The following TRIOBP variants were observed in gnomAD, a reference collection of about 807,000 sequenced individuals.
TRIOBP encodes TRIO and F-actin binding protein.
In TRIOBP, 169 loss-of-function variants were observed where a neutral mutation model predicts 238.8. The ratio of observed to expected loss-of-function variants is 0.71; its 90% CI spans 0.62 to 0.80. The LOEUF (loss-of-function observed/expected upper bound fraction) is 0.80. Ranked by LOEUF, TRIOBP falls within the 30% of genes least tolerant of loss-of-function variation. The pLI, the probability that TRIOBP is intolerant of heterozygous loss-of-function variation, is 0.00. For missense variants in TRIOBP, 2,838 were observed against 3,122.6 expected, an observed-to-expected ratio of 0.91 and a Z score of 2.17; for synonymous variants, 1,150 against 1,274.4, an observed-to-expected ratio of 0.90 and a Z score of 2.08.
intron 11 of TRIOBP, among the ~76,000 whole-genome samples, chr22:37,749,097 G>A (rs897408551): frequency 1.3e-5 from 2 of 152,152 alleles, no homozygotes; most frequent in Non-Finnish European, 2.9e-5. Context: ...ATGTGTGCCT[G>A]TAATCCCAGC....
At chr22:37,742,506 G>A (rs1183709044) in intron 11 of TRIOBP, among the ~76,000 whole-genome samples, 5 of 152,086 alleles carry the variant, frequency 3.3e-5, no homozygotes, top group Non-Finnish European at 5.9e-5. Flanking sequence ...CAAGTGATCC[G>A]CCCGCCCTGG....
In TRIOBP at chr22:37,721,132, G is replaced by A. The variant is rs569574291; in HGVS notation, c.629-2053G>A. ...GATCCGCCCGCCTCGGCCTCCCAAAGTGCTGGGATTACAGGCATCAGCCAC... is the reference window on the plus strand; with the variant it reads ...GATCCGCCCGCCTCGGCCTCCCAAAATGCTGGGATTACAGGCATCAGCCAC... On this transcript the variant is annotated intron_variant, in intron 6 of 23. Transcript: ENST00000644935. Among the ~76,000 whole-genome samples, 14 of 151,316 alleles carry A rather than the reference G, an allele frequency of 9.3e-5. No homozygotes were observed. In the South Asian group the frequency reaches 2.7e-3, roughly 29 times the overall value.
chr22:37,771,855 T>C (rs772337998), intron 22 of TRIOBP, 119 bp downstream of exon 22: 17 of 893,238 alleles, frequency 1.9e-5, no homozygotes, highest in Non-Finnish European at 2.9e-5. Flanking sequence ...CAGGCTCTCC[T>C]GTGCTTCTCC....
At chr22:37,759,631 C>A in intron 17 of TRIOBP, 1 of 1,538,472 alleles carries the variant, frequency 6.5e-7, no homozygotes, top group South Asian at 1.2e-5. Flanking sequence ...CCCCGAGAGT[C>A]ACTCCCTGAA....
chr22:37,734,665 A>G lies in TRIOBP; in HGVS notation c.4329A>G (p.Leu1443=), dbSNP rs547759535. Residue 1443 remains leucine (L), a synonymous_variant, in exon 9 of 24, where the codon CTA becomes CTG. Transcript: ENST00000644935. ...GGTCCCAGGGCCCTCATAGACACCTAGAAAGGAGCTGGAGCAGCCAGGAGG... is the reference window on the plus strand; with the variant it reads ...GGTCCCAGGGCCCTCATAGACACCTGGAAAGGAGCTGGAGCAGCCAGGAGG... The part of the protein sequence containing the change: ...PPGSQGPHRH[L]ERSWSSQEGG... 424 of 1,600,124 alleles carry G rather than the reference A, an allele frequency of 2.6e-4. 3 individuals are homozygous for G. The highest frequency in any genetic ancestry group is 5.0e-4 in the Middle Eastern group (3 of 6,040).
chr22:37,733,159 T>C, intron 7 of TRIOBP, 139 bp from the exon 8 acceptor site: 1 of 698,366 alleles, frequency 1.4e-6, no homozygotes, highest in South Asian at 1.6e-5. Flanking sequence ...CTGAGAGTCA[T>C]CCTCACTTAG....
At chr22:37,756,286 C>T (rs2145868105) in intron 15 of TRIOBP, among the ~76,000 whole-genome samples, 1 of 152,210 alleles carries the variant, frequency 6.6e-6, no homozygotes. Context: ...TATAGTGAGA[C>T]CTCGTCCCTA....
Position 37,774,123 on chromosome 22 carries a change from TAAAAAAAAA to T in TRIOBP, c.*352_*360del, listed in dbSNP as rs35269997. ...TTTTTTTCCAAAACACTTTATACTT[TAAAAAAAAA>T]AAAAAAAAGCAATTCCTGGTGGCTG... On this transcript the variant is annotated 3_prime_UTR_variant, in exon 24 of 24. Transcript: ENST00000644935. 1 of 139,586 alleles carries T rather than the reference TAAAAAAAAA, an allele frequency of 7.2e-6. No individual in the cohort carries two copies. Among genetic ancestry groups the T allele is most frequent in the Non-Finnish European group, 1.5e-5 (1 of 64,690 alleles). The allele number at this position is 139,586 out of a possible 1,614,324, so 8.6% of individuals were successfully genotyped here.
intron 4 of TRIOBP, among the ~76,000 whole-genome samples, chr22:37,711,015 C>T (rs1488765830): frequency 2.0e-5 from 3 of 152,214 alleles, no homozygotes; most frequent in East Asian, 1.9e-4. Flanking sequence ...CGTGGGTGTG[C>T]ACTGCTCCAG....
chr22:37,764,321 G>A (rs1044941310), intron 17 of TRIOBP, among the ~76,000 whole-genome samples: 3 of 152,140 alleles, frequency 2.0e-5, no homozygotes, highest in African/African-American at 7.2e-5. Flanking sequence ...TCACTGGGAC[G>A]GACAGGTCTG....
rs1249369927 is a variant in TRIOBP, at chr22:37,771,707, C to T, written c.6907C>T (p.Leu2303Phe). ...GTACCTAAAGAAGGAGGTGCAGTGC[C>T]TCCGGGACGAGCTCCAGATGATGCA... ...LQYLKKEVQC[L>F]RDELQMMQKD... The change falls in exon 22 of 24, where the codon CTC (leucine) becomes TTC (phenylalanine). Residue 2303 changes from leucine to phenylalanine, a missense_variant. By Grantham distance (22) the Leu-to-Phe change is conservative. This residue lies in a region of TRIOBP where 2,096 missense variants were observed against 2,137.4 expected (regional missense o/e 0.98). Coordinates refer to ENST00000644935, the MANE Select transcript of TRIOBP (RefSeq NM_001039141.3). The T allele has an allele frequency of 6.2e-7, 1 of 1,614,048 alleles. No individual in the cohort carries two copies. The highest frequency in any genetic ancestry group is 1.3e-5 in the African/African-American group (1 of 74,926).
intron 15 of TRIOBP, 119 bp downstream of exon 15, chr22:37,755,778 A>AT: frequency 1.2e-6 from 1 of 811,092 alleles, no homozygotes; most frequent in Non-Finnish European, 2.1e-6. Context: ...TCTGTCAACA[A>AT]CATGGGAAGA....
chr22:37,740,537 C>G (rs1924881153), intron 10 of TRIOBP, among the ~76,000 whole-genome samples: 1 of 152,086 alleles, frequency 6.6e-6, no homozygotes, highest in South Asian at 2.1e-4. Context: ...TCAAGAAACA[C>G]TGGAGATATG....
intron 6 of TRIOBP, among the ~76,000 whole-genome samples, chr22:37,717,912 C>CG (rs1461374161): frequency 6.6e-6 from 1 of 152,174 alleles, no homozygotes; most frequent in Non-Finnish European, 1.5e-5. Context: ...CGGGGAGGCT[C>CG]GGGCTGCACA....
chr22:37,716,349 T>G (rs554555673), intron 6 of TRIOBP, among the ~76,000 whole-genome samples: 1 of 152,198 alleles, frequency 6.6e-6, no homozygotes, highest in South Asian at 2.1e-4. Flanking sequence ...CAACCTTCAG[T>G]GATCTGCCCA....
chr22:37,713,619 G>A (rs553629087), intron 5 of TRIOBP, among the ~76,000 whole-genome samples: 1 of 152,354 alleles, frequency 6.6e-6, no homozygotes, highest in African/African-American at 2.4e-5. Context: ...GGCAGCTGGG[G>A]TCTGGCTGTG....
chr22:37,755,758 C>A, intron 15 of TRIOBP, 99 bp downstream of exon 15: 1 of 967,578 alleles, frequency 1.0e-6, no homozygotes, highest in African/African-American at 1.6e-5. Flanking sequence ...CCTTTCTGGG[C>A]CCTCGTTTCT....
At chr22:37,707,588 T>C (rs1171107222) in intron 3 of TRIOBP, among the ~76,000 whole-genome samples, 1 of 151,962 alleles carries the variant, frequency 6.6e-6, no homozygotes, top group Non-Finnish European at 1.5e-5. Flanking sequence ...TTGGCCATAT[T>C]TGCCTCTAGC....
Position 37,741,013 on chromosome 22 carries a change from G to A in TRIOBP, c.5303G>A (p.Gly1768Glu). The change falls in exon 11 of 24, where the codon GGG becomes GAG. Residue 1768 changes from glycine (G) to glutamate (E), a missense_variant. Gly to Glu is a moderately conservative substitution (Grantham distance 98, BLOSUM62 -2). Transcript: ENST00000644935. ...TTCAATCCGTTCCTGCTGTCTCTGG[G>A]GGTCCTCAGGTGGCGAAGGGTAGGC... ...TLFNPFLLSL[G>E]VLRWRRPDLL... 1 of 1,562,012 alleles carries A rather than the reference G, an allele frequency of 6.4e-7. No individual in the cohort carries two copies.
Sources: allele counts gnomAD v4.1 joint callset (sites outside exome capture counted in the v4.1 genomes callset), GRCh38; gene constraint gnomAD v4.1.1; regional missense constraint gnomAD v4.1.1; transcripts MANE v1.5; gene names NCBI Gene and HGNC (gene_info 2026-07-23, HGNC 2026-07-21).